Variants in RUFY4 observed in about 807,000 individuals in gnomAD.
The protein encoded by RUFY4 is RUN and FYVE domain containing 4, also known as RUN and FYVE domain-containing protein 4.
Under a neutral mutation model 69.0 loss-of-function variants are expected in RUFY4, and 73 were observed. The ratio of observed to expected loss-of-function variants is 1.06; its 90% confidence interval spans 0.88 to 1.29. The LOEUF (loss-of-function observed/expected upper bound fraction) is 1.29. Among genes scored for constraint, RUFY4 ranks in the 50% most tolerant of loss-of-function variants. The pLI is 0.00. For missense variants in RUFY4, 770 were observed against 705.6 expected, an observed-to-expected ratio of 1.09 and a Z score of -1.03; for synonymous variants, 287 against 271.8, an observed-to-expected ratio of 1.06 and a Z score of -0.55.
At chr2:218,038,697 TTA>T (rs1412250794) in intron 2 of RUFY4, among the ~76,000 whole-genome samples, 2 of 152,148 alleles carry the variant, frequency 1.3e-5, no homozygotes, top group East Asian at 3.8e-4. Flanking sequence ...TTTGGTGGTA[TTA>T]TTTTACACAT....
chr2:218,067,302 G>A (rs1229425347), upstream of RUFY4, among the ~76,000 whole-genome samples: 2 of 152,214 alleles, frequency 1.3e-5, no homozygotes, highest in African/African-American at 4.8e-5. Context: ...ACACATGGGA[G>A]GGCTCCAGGA....
exon 7 of RUFY4, chr2:218,075,568 C>T (rs775503748): frequency 6.5e-7 from 1 of 1,528,306 alleles, no homozygotes; most frequent in Non-Finnish European, 8.8e-7. Flanking sequence ...GGAGCAGTAT[C>T]AGGGAGCAGG....
chr2:218,072,769 C>A lies in RUFY4; in HGVS notation c.280-10C>A. ...TACTGCTCCCCATTCTGCCCCTGTG[C>A]ACTCTGCAGTTGAAGACCCCTCTGG... On this transcript the variant is annotated splice_polypyrimidine_tract_variant and intron_variant, in intron 3 of 10. Transcript: ENST00000344321. 1 of 1,511,000 alleles carries A rather than the reference C, an allele frequency of 6.6e-7. No homozygotes were observed. The highest frequency in any genetic ancestry group is 8.8e-7 in the Non-Finnish European group (1 of 1,133,234). The allele number at this position is 1,511,000 out of a possible 1,614,324, so 93.6% of individuals were successfully genotyped here. A position where few individuals can be genotyped will look rare whatever the true frequency, so the allele number is the denominator to read the frequency against.
chr2:218,061,744 C>G lies in RUFY4; in HGVS notation c.-1071+3063C>G, dbSNP rs534542402. On this transcript the variant is annotated intron_variant and NMD_transcript_variant, in intron 3 of 13. Coordinates refer to the RUFY4 transcript ENST00000457754. ...CCCTGTGGATAATAACTACAGGACA[C>G]TCAATCCTACTTGGATCCCTCAGTG... Among the ~76,000 whole-genome samples the G allele has an allele frequency of 2.6e-5, 4 of 152,340 alleles. No individual in the cohort carries two copies. In the East Asian group the frequency reaches 7.7e-4, roughly 29 times the overall value.
chr2:218,070,769 C>A, exon 2 of RUFY4: 1 of 1,536,906 alleles, frequency 6.5e-7, no homozygotes, highest in Non-Finnish European at 8.7e-7. Context: ...TCTCTGCCAT[C>A]CTCCAGGGCT....
At chr2:218,043,902 T>C (rs1275697921) in intron 2 of RUFY4, among the ~76,000 whole-genome samples, 1 of 152,190 alleles carries the variant, frequency 6.6e-6, no homozygotes, top group African/African-American at 2.4e-5. Context: ...TTCCCTCCCA[T>C]GCTTGTCAGT....
rs1269726809 is a variant in RUFY4, at chr2:218,047,303, G to GT, written c.-1157-11285dup. On this transcript the variant is annotated intron_variant and NMD_transcript_variant, in intron 2 of 13. Transcript: ENST00000457754. ...TAACTTTGCACCAGTACATCACCGA[G>GT]TTTTTTTAACTTACAAGTAAAATCT... Among the ~76,000 whole-genome samples the GT allele has an allele frequency of 1.3e-5, 2 of 151,956 alleles. 1 individual carries two copies. Among genetic ancestry groups the GT allele is most frequent in the Admixed American group, 1.3e-4 (2 of 15,256 alleles).
chr2:218,050,365 G>GA (rs781088411), intron 2 of RUFY4, among the ~76,000 whole-genome samples: 9 of 152,228 alleles, frequency 5.9e-5, no homozygotes, highest in Non-Finnish European at 2.9e-5. Flanking sequence ...AAGGAGCTGT[G>GA]ATGCTCCTGG....
chr2:218,059,776 T>C (rs892620367), intron 3 of RUFY4: 2 of 166,628 alleles, frequency 1.2e-5, no homozygotes, highest in Non-Finnish European at 2.9e-5. Context: ...TAAGCAGCTA[T>C]GAATATTGGT....
At chr2:218,089,157 C>G in intron 9 of RUFY4, 95 bp from the exon 12 acceptor site, 2 of 919,046 alleles carry the variant, frequency 2.2e-6, no homozygotes, top group Non-Finnish European at 3.4e-6. Flanking sequence ...GTGATTCCGT[C>G]TGTTCCTCTC....
At chr2:218,063,292 C>G (rs368546093) in intron 3 of RUFY4, among the ~76,000 whole-genome samples, 2 of 152,102 alleles carry the variant, frequency 1.3e-5, no homozygotes, top group East Asian at 3.9e-4. Context: ...AACCCAGTGA[C>G]AGAGAAAAAC....
upstream of RUFY4, chr2:218,070,298 G>T: frequency 2.4e-6 from 1 of 409,924 alleles, no homozygotes; most frequent in South Asian, 2.5e-5. Flanking sequence ...GTCTAAAATG[G>T]AGTTAATAAC....
chr2:218,075,831 C>A, intron 7 of RUFY4, 91 bp downstream of exon 9: 1 of 1,254,518 alleles, frequency 8.0e-7, no homozygotes, highest in Non-Finnish European at 1.0e-6. Context: ...GGGACCATTC[C>A]CTCCCACGGG....
intron 2 of RUFY4, among the ~76,000 whole-genome samples, chr2:218,053,649 A>G (rs1688993956): frequency 6.6e-6 from 1 of 152,188 alleles, no homozygotes; most frequent in African/African-American, 2.4e-5. Context: ...AACTGGGACT[A>G]CAGGCGTCTG....
At chr2:218,081,090 G>GGA (rs1689750811) in intron 8 of RUFY4, among the ~76,000 whole-genome samples, 1 of 152,170 alleles carries the variant, frequency 6.6e-6, no homozygotes, top group Non-Finnish European at 1.5e-5. Context: ...ATGCTTCCAT[G>GGA]TCCCCTCGTG....
Position 218,089,939 on chromosome 2 carries a change from C to T in RUFY4, c.1614-13C>T, listed in dbSNP as rs1435192329. ...CAGAGGCCGCCCCAGGCTTTCCTGC[C>T]TCTGCCTTCCAGGCTCTGTGGAGGC... On this transcript the variant is annotated splice_polypyrimidine_tract_variant and intron_variant, in intron 10 of 10. Transcript: ENST00000344321. 8 of 1,551,024 alleles carry T rather than the reference C, an allele frequency of 5.2e-6. No individual in the cohort carries two copies. Among genetic ancestry groups the T allele is most frequent in the Non-Finnish European group, 7.0e-6 (8 of 1,145,926 alleles).
At position 218,072,530 on chromosome 2, in the gene RUFY4, C is replaced by T. The variant is rs367617774; in HGVS notation, c.279+31C>T. ...CAGGGCCAGGCAGCAAGAAGGCTGA[C>T]GGGGTGGGGGTAGACATAGGCCTCC... On this transcript the variant is annotated intron_variant, in intron 3 of 10. Transcript: ENST00000344321. 1.2e-5 allele frequency: 18 copies of T among 1,534,914 alleles called. No homozygotes were observed. The Middle Eastern group carries it at 6.3e-4, about 54-fold the overall frequency.
intron 2 of RUFY4, among the ~76,000 whole-genome samples, chr2:218,039,870 A>G (rs1959036721): frequency 6.6e-6 from 1 of 152,142 alleles, no homozygotes; most frequent in South Asian, 2.1e-4. Context: ...TTCCCATCAA[A>G]TCCCCACCAG....
At chr2:218,073,110 G>A in intron 4 of RUFY4, 133 bp from the exon 7 acceptor site, 1 of 1,241,170 alleles carries the variant, frequency 8.1e-7, no homozygotes, top group Non-Finnish European at 1.1e-6. Flanking sequence ...CCACAACTCT[G>A]CCTGGGGAAC....
Sources: allele counts gnomAD v4.1 joint callset (sites outside exome capture counted in the v4.1 genomes callset), GRCh38; gene constraint gnomAD v4.1.1; transcripts MANE v1.5; gene names NCBI Gene and HGNC (gene_info 2026-07-23, HGNC 2026-07-21).